Variants in GRIN2B observed in about 807,000 individuals in gnomAD.
GRIN2B encodes glutamate receptor ionotropic, NMDA 2B.
A neutral mutation model predicts 114.5 loss-of-function variants in GRIN2B; 5 were observed. That is an observed-to-expected ratio of 0.04 (90% CI 0.02 to 0.09). GRIN2B has a LOEUF of 0.09. GRIN2B is among the 10% of genes least tolerant of loss of function. The pLI, the probability that GRIN2B is intolerant of heterozygous loss-of-function variation, is 1.00. For synonymous variants in GRIN2B, 787 were observed against 745.1 expected, an observed-to-expected ratio of 1.06 and a Z score of -0.92; for missense variants, 1,108 against 1,943.5, an observed-to-expected ratio of 0.57 and a Z score of 8.08.
chr12:13,640,123 T>C (rs578102164), intron 5 of GRIN2B, among the ~76,000 whole-genome samples: 17 of 152,126 alleles, frequency 1.1e-4, no homozygotes, highest in African/African-American at 3.9e-4. Flanking sequence ...TGGTGGTACA[T>C]GATTGTAGTC....
At chr12:13,669,287 T>C (rs1454933053) in intron 5 of GRIN2B, among the ~76,000 whole-genome samples, 1 of 151,998 alleles carries the variant, frequency 6.6e-6, no homozygotes, top group African/African-American at 2.4e-5. Context: ...TCTCCACACT[T>C]GGTACAATTA....
chr12:13,798,806 G>C (rs143585782), intron 3 of GRIN2B, among the ~76,000 whole-genome samples: 35 of 152,296 alleles, frequency 2.3e-4, no homozygotes, highest in African/African-American at 8.4e-4. Context: ...CAAACTAGAT[G>C]GATCTTAGAA....
chr12:13,853,109 T>C (rs1668425071), intron 3 of GRIN2B, among the ~76,000 whole-genome samples: 1 of 152,208 alleles, frequency 6.6e-6, no homozygotes, highest in African/African-American at 2.4e-5. Context: ...CTACCTCCTC[T>C]GCGGCCTTCC....
chr12:13,788,580 G>A (rs994425428), intron 3 of GRIN2B, among the ~76,000 whole-genome samples: 1 of 152,162 alleles, frequency 6.6e-6, no homozygotes, highest in Non-Finnish European at 1.5e-5. Context: ...GTGGTTTCCT[G>A]TTACTTAGAC....
At chr12:13,642,058 G>T (rs150653618) in intron 5 of GRIN2B, among the ~76,000 whole-genome samples, 1 of 151,868 alleles carries the variant, frequency 6.6e-6, no homozygotes, top group Admixed American at 6.6e-5. Flanking sequence ...GCATGGTAGC[G>T]CACACCTGTA....
At chr12:13,806,915 A>G (rs190757271) in intron 3 of GRIN2B, among the ~76,000 whole-genome samples, 175 of 152,248 alleles carry the variant, frequency 1.1e-3, no homozygotes, top group Non-Finnish European at 2.0e-3. Flanking sequence ...TAAGGGTTAA[A>G]AAATCCATTT....
intron 3 of GRIN2B, among the ~76,000 whole-genome samples, chr12:13,827,675 C>T (rs901756019): frequency 3.7e-4 from 52 of 140,294 alleles, no homozygotes; most frequent in Middle Eastern, 8.4e-3. Flanking sequence ...ATATTTATAA[C>T]ACGTCTTTCT....
At position 13,544,380 on chromosome 12, in the gene GRIN2B, T is replaced by A. The variant is rs916190813; in HGVS notation, c.*18403A>T. 1.2e-4 allele frequency: 18 copies of A among 152,410 alleles called. No homozygotes were observed. Among genetic ancestry groups the A allele is most frequent in the African/African-American group, 4.1e-4 (17 of 41,584 alleles). The allele number at this position is 152,410 out of a possible 1,614,324, so 9.4% of individuals were successfully genotyped here. On this transcript the variant is annotated 3_prime_UTR_variant, in exon 14 of 14. Coordinates refer to ENST00000609686, the MANE Select transcript of GRIN2B (RefSeq NM_000834.5). The stretch of plus-strand genomic sequence containing the variant: ...TGGAGCTTTGAACAATCCTCCACCC[T>A]GGGCCTCAGTCTAGAGAATCCTCTT...
chr12:13,840,222 G>A (rs1865355046), intron 3 of GRIN2B, among the ~76,000 whole-genome samples: 1 of 152,076 alleles, frequency 6.6e-6, no homozygotes, highest in Non-Finnish European at 1.5e-5. Context: ...CACTCCCTCT[G>A]GATTTTGTTC....
chr12:13,557,257 C>G lies in GRIN2B; in HGVS notation c.*5526G>C, dbSNP rs1405429255. On this transcript the variant is annotated 3_prime_UTR_variant, in exon 14 of 14. Coordinates refer to ENST00000609686, the MANE Select transcript of GRIN2B (RefSeq NM_000834.5). Reference sequence around the variant, plus strand: ...GACATTCTCAGACTGACTAATCTGCCATTTTAGTGTCATCCCAAACATCTG... The same window carrying G: ...GACATTCTCAGACTGACTAATCTGCGATTTTAGTGTCATCCCAAACATCTG... 6.6e-6 allele frequency: 1 copy of G among 152,122 alleles called. No individual in the cohort carries two copies. The highest frequency in any genetic ancestry group is 1.5e-5 in the Non-Finnish European group (1 of 68,020). 9.4% of individuals were successfully genotyped at this position (152,122 alleles called of 1,614,324 possible). A position where few individuals can be genotyped will look rare whatever the true frequency, so the allele number is the denominator to read the frequency against.
chr12:13,640,097 G>C (rs1949700892), intron 5 of GRIN2B, among the ~76,000 whole-genome samples: 1 of 152,016 alleles, frequency 6.6e-6, no homozygotes, highest in Admixed American at 6.6e-5. Flanking sequence ...GTAAAATGTA[G>C]ATACAAGACC....
chr12:13,841,580 G>A (rs1486128934), intron 3 of GRIN2B, among the ~76,000 whole-genome samples: 3 of 152,082 alleles, frequency 2.0e-5, no homozygotes, highest in Admixed American at 6.6e-5. Flanking sequence ...TTACCTGTCA[G>A]GCTCTAGCCT....
intron 4 of GRIN2B, among the ~76,000 whole-genome samples, chr12:13,736,538 A>G (rs1175496104): frequency 6.6e-6 from 1 of 152,186 alleles, no homozygotes; most frequent in African/African-American, 2.4e-5. Flanking sequence ...TCAAATGCAG[A>G]ACTCAGTATT....
rs1948259475 is a variant in GRIN2B, at chr12:13,540,216, A to G, written c.*22567T>C. ...GTAAAGAAAGCACAAAGACCAAGAA[A>G]AAAACTCTGATTCTGGATTTTTTTT... On this transcript the variant is annotated 3_prime_UTR_variant, in exon 14 of 14. Transcript: ENST00000609686. The G allele has an allele frequency of 6.6e-6, 1 of 152,236 alleles. No individual in the cohort carries two copies. Among genetic ancestry groups the G allele is most frequent in the African/African-American group, 2.4e-5 (1 of 41,462 alleles). 9.4% of individuals were successfully genotyped at this position (152,236 alleles called of 1,614,324 possible). A position where few individuals can be genotyped will look rare whatever the true frequency, so the allele number is the denominator to read the frequency against.
At chr12:13,938,552 A>G (rs1867171320) in intron 2 of GRIN2B, among the ~76,000 whole-genome samples, 1 of 152,224 alleles carries the variant, frequency 6.6e-6, no homozygotes. Context: ...TCAATACTCA[A>G]TAAAAAGGAA....
At chr12:13,839,708 G>T (rs1195692914) in intron 3 of GRIN2B, among the ~76,000 whole-genome samples, 3 of 152,100 alleles carry the variant, frequency 2.0e-5, no homozygotes, top group African/African-American at 7.2e-5. Context: ...TCAGATTGAT[G>T]CCACCATGGT....
intron 3 of GRIN2B, among the ~76,000 whole-genome samples, chr12:13,840,354 T>G (rs187929095): frequency 6.6e-6 from 1 of 152,292 alleles, no homozygotes; most frequent in East Asian, 1.9e-4. Flanking sequence ...AAACGTGCCT[T>G]GGATGCTTAC....
intron 3 of GRIN2B, among the ~76,000 whole-genome samples, chr12:13,785,360 T>C (rs1864205860): frequency 6.6e-6 from 1 of 152,208 alleles, no homozygotes; most frequent in African/African-American, 2.4e-5. Context: ...ACCTTTCCTA[T>C]CACGTACAGA....
intron 4 of GRIN2B, among the ~76,000 whole-genome samples, chr12:13,723,548 A>T (rs1174592851): frequency 6.6e-6 from 1 of 151,154 alleles, no homozygotes; most frequent in Non-Finnish European, 1.5e-5. Context: ...CTCAGGTAAG[A>T]TAACTGGCAT....
Sources: allele counts gnomAD v4.1 joint callset (sites outside exome capture counted in the v4.1 genomes callset), GRCh38; gene constraint gnomAD v4.1.1; transcripts MANE v1.5; gene names NCBI Gene and HGNC (gene_info 2026-07-23, HGNC 2026-07-21).